Variants in ANKRD44 observed in about 807,000 individuals in gnomAD.
ANKRD44 encodes the protein serine/threonine-protein phosphatase 6 regulatory ankyrin repeat subunit B.
Under a neutral mutation model 116.0 loss-of-function variants are expected in ANKRD44, and 35 were observed. The observed-to-expected ratio is 0.30, with a 90% CI of 0.23 to 0.40. ANKRD44 has a LOEUF of 0.40. Among genes scored for constraint, ANKRD44 ranks in the 10% least tolerant of loss-of-function variants. The pLI, the probability that ANKRD44 is intolerant of heterozygous loss-of-function variation, is 1.00. For missense variants in ANKRD44, 1,014 were observed against 1,242.6 expected, an observed-to-expected ratio of 0.82 and a Z score of 2.77; for synonymous variants, 435 against 461.8, an observed-to-expected ratio of 0.94 and a Z score of 0.74.
intron 26 of ANKRD44, 144 bp from the exon 27 acceptor site, chr2:196,993,818 C>T: frequency 1.6e-6 from 1 of 638,836 alleles, no homozygotes. Flanking sequence ...AAAAAAAATG[C>T]TGACCAGATC....
chr2:197,069,307 G>C (rs577875922), intron 16 of ANKRD44, among the ~76,000 whole-genome samples: 1 of 152,104 alleles, frequency 6.6e-6, no homozygotes, highest in Admixed American at 6.6e-5. Flanking sequence ...TGTGGGGTGG[G>C]GGGAGTGGGG....
Position 196,986,871 on chromosome 2 carries a change from A to G in ANKRD44, c.*2720T>C, listed in dbSNP as rs1012797110. ...CATTTTTACAGTCATGACATTTACC[A>G]GAGTCATTCAACTCCAATTTACATA... On this transcript the variant is annotated 3_prime_UTR_variant, in exon 28 of 28. Transcript: ENST00000282272. The G allele has an allele frequency of 4.1e-6, 4 of 985,318 alleles. No homozygotes were observed. Among genetic ancestry groups the G allele is most frequent in the Non-Finnish European group, 4.8e-6 (4 of 829,916 alleles). The allele number at this position is 985,318 out of a possible 1,614,324, so 61.0% of individuals were successfully genotyped here. A position where few individuals can be genotyped will look rare whatever the true frequency, so the allele number is the denominator to read the frequency against.
chr2:197,114,920 G>C (rs987013740), intron 8 of ANKRD44, among the ~76,000 whole-genome samples: 1 of 152,158 alleles, frequency 6.6e-6, no homozygotes, highest in Non-Finnish European at 1.5e-5. Context: ...ATGGAACGTG[G>C]TTGGCTCACT....
At chr2:196,981,963 G>A (rs1012000922), downstream of ANKRD44, among the ~76,000 whole-genome samples, 2 of 150,928 alleles carry the variant, frequency 1.3e-5, no homozygotes, top group Non-Finnish European at 3.0e-5. Flanking sequence ...TTTTCCTCCT[G>A]CCTCTGACCA....
chr2:197,176,318 G>A (rs2080362865), intron 2 of ANKRD44, among the ~76,000 whole-genome samples: 1 of 152,122 alleles, frequency 6.6e-6, no homozygotes, highest in South Asian at 2.1e-4. Flanking sequence ...TTGTTTCTCT[G>A]TTGAATGCAG....
chr2:197,238,738 T>C (rs2082027204), intron 1 of ANKRD44, among the ~76,000 whole-genome samples: 1 of 151,812 alleles, frequency 6.6e-6, no homozygotes, highest in Non-Finnish European at 1.5e-5. Flanking sequence ...GGAGTCTCAC[T>C]CTGTCACCCA....
At chr2:197,104,143 CAA>C (rs1183753851) in intron 9 of ANKRD44, among the ~76,000 whole-genome samples, 2 of 152,098 alleles carry the variant, frequency 1.3e-5, no homozygotes, top group East Asian at 3.9e-4. Flanking sequence ...TTTCCTGAGA[CAA>C]AGTCTTGCTT....
At chr2:197,114,854 C>G (rs1277273386) in intron 8 of ANKRD44, among the ~76,000 whole-genome samples, 2 of 152,324 alleles carry the variant, frequency 1.3e-5, no homozygotes, top group African/African-American at 4.8e-5. Flanking sequence ...TGTGAAAAAG[C>G]CACACATTGT....
At chr2:197,263,454 C>T (rs763736589) in intron 1 of ANKRD44, 1 of 533,602 alleles carries the variant, frequency 1.9e-6, no homozygotes, top group South Asian at 2.0e-5. Flanking sequence ...TCTTCTCCTA[C>T]ACCATTCTAG....
intron 1 of ANKRD44, among the ~76,000 whole-genome samples, chr2:197,239,918 G>A (rs1331499380): frequency 3.3e-5 from 5 of 152,102 alleles, no homozygotes; most frequent in African/African-American, 7.2e-5. Flanking sequence ...TGTCTTCAAC[G>A]TAGATTTTCA....
intron 1 of ANKRD44, among the ~76,000 whole-genome samples, chr2:197,247,277 T>A (rs1191338170): frequency 1.3e-5 from 2 of 152,110 alleles, no homozygotes; most frequent in Non-Finnish European, 2.9e-5. Context: ...TCACTGTCAG[T>A]AAGGGCTTCC....
intron 15 of ANKRD44, 84 bp downstream of exon 15, chr2:197,081,561 A>T: frequency 8.1e-7 from 1 of 1,241,670 alleles, no homozygotes; most frequent in Non-Finnish European, 1.2e-6. Flanking sequence ...ACCCCAAAAT[A>T]GTAAGGCAGG....
rs2075860589 is a variant in ANKRD44 at position 196,988,154 on chromosome 2, C to G, written c.*1437G>C. On this transcript the variant is annotated 3_prime_UTR_variant, in exon 28 of 28. Coordinates refer to ENST00000282272, the MANE Select transcript of ANKRD44 (RefSeq NM_001195144.2). ...TTTGCTGAAATGATTCTTGTACTCT[C>G]TGCTACACGACAGGAAAAATGTTAA... 3.0e-6 allele frequency: 3 copies of G among 985,220 alleles called. No homozygotes were observed. Among genetic ancestry groups the G allele is most frequent in the Non-Finnish European group, 3.6e-6 (3 of 829,916 alleles). The allele number at this position is 985,220 out of a possible 1,614,324, so 61.0% of individuals were successfully genotyped here. A position where few individuals can be genotyped will look rare whatever the true frequency, so the allele number is the denominator to read the frequency against.
At chr2:197,284,722 C>A (rs1003763214) in intron 1 of ANKRD44, among the ~76,000 whole-genome samples, 1 of 151,752 alleles carries the variant, frequency 6.6e-6, no homozygotes, top group Admixed American at 6.6e-5. Context: ...CCCGTCTCTA[C>A]TAAAAATACA....
At chr2:197,263,748 C>A (rs2105742614) in intron 1 of ANKRD44, among the ~76,000 whole-genome samples, 1 of 152,252 alleles carries the variant, frequency 6.6e-6, no homozygotes, top group East Asian at 1.9e-4. Flanking sequence ...CACTGAAGGG[C>A]AAATGTCACT....
intron 9 of ANKRD44, among the ~76,000 whole-genome samples, chr2:197,100,508 C>T (rs1017877688): frequency 1.7e-4 from 26 of 152,166 alleles, no homozygotes; most frequent in African/African-American, 5.1e-4. Flanking sequence ...AGTTAAGAAT[C>T]CAAAATCTCA....
chr2:197,199,898 G>A (rs778484472), intron 1 of ANKRD44, among the ~76,000 whole-genome samples: 8 of 151,950 alleles, frequency 5.3e-5, no homozygotes, highest in Admixed American at 1.3e-4. Context: ...ATTCCCCTTC[G>A]AATGGGCATT....
chr2:196,996,172 A>T (rs2076008278), intron 25 of ANKRD44, among the ~76,000 whole-genome samples: 4 of 152,230 alleles, frequency 2.6e-5, no homozygotes. Flanking sequence ...GGGAGTTAGA[A>T]CTGCTGAATC....
At chr2:197,102,892 C>G (rs1034774961) in intron 9 of ANKRD44, among the ~76,000 whole-genome samples, 5 of 152,084 alleles carry the variant, frequency 3.3e-5, no homozygotes, top group Non-Finnish European at 5.9e-5. Flanking sequence ...ATTTTTCTCC[C>G]AGGTTTTGTT....
Sources: allele counts gnomAD v4.1 joint callset (sites outside exome capture counted in the v4.1 genomes callset), GRCh38; gene constraint gnomAD v4.1.1; transcripts MANE v1.5; gene names NCBI Gene and HGNC (gene_info 2026-07-23, HGNC 2026-07-21).